GRAMD1C: variants seen among roughly 807,000 people sequenced by gnomAD.
GRAMD1C encodes the protein protein Aster-C.
Under a neutral mutation model 97.8 loss-of-function variants are expected in GRAMD1C, and 89 were observed. That is an observed-to-expected ratio of 0.91 (90% CI 0.77 to 1.09). The LOEUF (loss-of-function observed/expected upper bound fraction) is 1.09, where lower values mean the gene tolerates loss of function less well. GRAMD1C is among the 50% of genes least tolerant of loss of function. GRAMD1C has a pLI of 0.00. For missense variants in GRAMD1C, 740 were observed against 766.4 expected, an observed-to-expected ratio of 0.97 and a Z score of 0.41; for synonymous variants, 256 against 267.0, an observed-to-expected ratio of 0.96 and a Z score of 0.40.
intron 6 of GRAMD1C, among the ~76,000 whole-genome samples, chr3:113,890,419 G>A (rs549351020): frequency 2.6e-5 from 4 of 152,310 alleles, no homozygotes; most frequent in African/African-American, 9.6e-5. Context: ...CTACTACAAG[G>A]GCGTGGAGCA....
chr3:113,835,740 C>T (rs375017366), upstream of GRAMD1C, among the ~76,000 whole-genome samples: 3 of 152,146 alleles, frequency 2.0e-5, no homozygotes, highest in Non-Finnish European at 4.4e-5. Flanking sequence ...GTGTTTCGAA[C>T]GATGTTCACA....
At chr3:113,904,449 G>A (rs187933008) in intron 8 of GRAMD1C, among the ~76,000 whole-genome samples, 177 bp downstream of exon 8, 10 of 152,220 alleles carry the variant, frequency 6.6e-5, no homozygotes, top group African/African-American at 2.2e-4. Context: ...GAAAATATGT[G>A]GTTTTGTTCA....
chr3:113,937,084 AGT>A (rs1381827619), intron 14 of GRAMD1C, among the ~76,000 whole-genome samples: 1 of 152,198 alleles, frequency 6.6e-6, no homozygotes, highest in Non-Finnish European at 1.5e-5. Flanking sequence ...TCTACGTTTG[AGT>A]GTACTGCTCT....
In GRAMD1C at chr3:113,933,204, A is replaced by AT. The variant is rs560961803; in HGVS notation, c.1210-299dup. On this transcript the variant is annotated intron_variant, in intron 11 of 17. Transcript: ENST00000358160. ...CTGGCCTAATTTTTTATTAAAAAAA[A>AT]TTTTTTTTGTAGAGGCTGGGTGTTT... Among the ~76,000 whole-genome samples, 229 of 151,464 alleles carry AT rather than the reference A, an allele frequency of 1.5e-3. 1 individual carries two copies. The highest frequency in any genetic ancestry group is 5.2e-3 in the African/African-American group (213 of 41,172).
chr3:113,872,943 G>A (rs1469872518), intron 3 of GRAMD1C, among the ~76,000 whole-genome samples: 2 of 150,260 alleles, frequency 1.3e-5, no homozygotes, highest in Admixed American at 6.6e-5. Flanking sequence ...AAATTAGCCA[G>A]GCGTGGTGGC....
intron 15 of GRAMD1C, 21 bp downstream of exon 15, chr3:113,938,164 C>T: frequency 8.4e-7 from 1 of 1,196,146 alleles, no homozygotes; most frequent in Non-Finnish European, 1.2e-6. Context: ...GTTGTGAATG[C>T]TTATTTTGCT....
In GRAMD1C at chr3:113,920,693, A is replaced by G. The variant is rs182881107; in HGVS notation, c.1090+4855A>G. Among the ~76,000 whole-genome samples, 1,013 of 152,132 alleles carry G rather than the reference A, an allele frequency of 6.7e-3. 5 individuals are homozygous for G. The highest frequency in any genetic ancestry group is 0.014 in the Middle Eastern group (4 of 294). On this transcript the variant is annotated intron_variant, in intron 10 of 17. Transcript: ENST00000358160. ...GTAGCTAGGATTACAGGTGCCCGCCACCATACCCAGCTAATTTTTTTGTAT... is the reference window on the plus strand; with the variant it reads ...GTAGCTAGGATTACAGGTGCCCGCCGCCATACCCAGCTAATTTTTTTGTAT...
chr3:113,890,390 G>A (rs1423770686), intron 6 of GRAMD1C, among the ~76,000 whole-genome samples: 1 of 152,186 alleles, frequency 6.6e-6, no homozygotes, highest in Non-Finnish European at 1.5e-5. Flanking sequence ...CGGGCAGCAG[G>A]TCCTGCAGTG....
intron 2 of GRAMD1C, among the ~76,000 whole-genome samples, chr3:113,864,617 A>G (rs1577139257): frequency 6.6e-6 from 1 of 152,192 alleles, no homozygotes; most frequent in Non-Finnish European, 1.5e-5. Flanking sequence ...GCTATTTTAT[A>G]TAATGACCTT....
chr3:113,939,915 C>G lies in GRAMD1C; in HGVS notation c.1721C>G (p.Thr574Arg), dbSNP rs1039153975. 11 of 1,605,472 alleles carry G rather than the reference C, an allele frequency of 6.9e-6. No homozygotes were observed. The highest frequency in any genetic ancestry group is 8.5e-6 in the Non-Finnish European group (10 of 1,172,154). ...FVLLLVLLNVTLFLKLSKIEH... is the reference protein window; with the variant it reads ...FVLLLVLLNVRLFLKLSKIEH... ...TTGTTATTAGTTTTGTTGAATGTGACACTGTTTCTGAAGCTGTCAAAGATA... is the reference window on the plus strand; with the variant it reads ...TTGTTATTAGTTTTGTTGAATGTGAGACTGTTTCTGAAGCTGTCAAAGATA... The change falls in exon 16 of 18, where the codon ACA becomes AGA. Residue 574 changes from threonine (T) to arginine (R), a missense_variant. Coordinates refer to ENST00000358160, the MANE Select transcript of GRAMD1C (RefSeq NM_017577.5).
chr3:113,897,063 G>GAATT (rs1559801096), intron 6 of GRAMD1C, among the ~76,000 whole-genome samples: 1 of 152,148 alleles, frequency 6.6e-6, no homozygotes, highest in African/African-American at 2.4e-5. Flanking sequence ...GTGCTTAGTA[G>GAATT]AATTATTCCA....
chr3:113,917,817 C>T (rs536079427), intron 10 of GRAMD1C, among the ~76,000 whole-genome samples: 10 of 148,354 alleles, frequency 6.7e-5, no homozygotes, highest in Admixed American at 4.1e-4. Flanking sequence ...CTCAGCCTCC[C>T]GAGTAGCTGG....
At chr3:113,920,591 G>A (rs1937007848) in intron 10 of GRAMD1C, among the ~76,000 whole-genome samples, 1 of 152,008 alleles carries the variant, frequency 6.6e-6, no homozygotes. Context: ...GCCCAGGCTG[G>A]AGTGCAATGG....
chr3:113,833,755 T>G (rs74657386), intron 1 of GRAMD1C, among the ~76,000 whole-genome samples: 326 of 152,326 alleles, frequency 2.1e-3, no homozygotes, highest in Middle Eastern at 6.8e-3. Context: ...TTTTTCTTAA[T>G]TAAGCATTCC....
chr3:113,889,056 C>T lies in GRAMD1C; in HGVS notation c.540+6224C>T, dbSNP rs147747297. Among the ~76,000 whole-genome samples, 164 of 152,222 alleles carry T rather than the reference C, an allele frequency of 1.1e-3. 1 individual carries two copies. Among genetic ancestry groups the T allele is most frequent in the Non-Finnish European group, 1.5e-3 (102 of 68,020 alleles). ...ATCTATACTAAAAATACAAATTAGC[C>T]GGGCGTGGTGGCACATGCCTGTAAT... On this transcript the variant is annotated intron_variant, in intron 6 of 17. Coordinates refer to ENST00000358160, the MANE Select transcript of GRAMD1C (RefSeq NM_017577.5).
intron 2 of GRAMD1C, chr3:113,850,316 A>T: frequency 1.4e-6 from 1 of 717,020 alleles, no homozygotes; most frequent in Admixed American, 1.8e-5. Flanking sequence ...CCCAGCCTCG[A>T]CTTTCTTGTT....
At chr3:113,919,791 T>C in intron 10 of GRAMD1C, 1 of 617,606 alleles carries the variant, frequency 1.6e-6, no homozygotes, top group Non-Finnish European at 3.0e-6. Context: ...AAGCATGTAA[T>C]TGTTGGAAAA....
At chr3:113,904,620 TTTTC>T (rs1376812257) in intron 8 of GRAMD1C, among the ~76,000 whole-genome samples, 2 of 151,582 alleles carry the variant, frequency 1.3e-5, no homozygotes, top group Non-Finnish European at 2.9e-5. Flanking sequence ...GTTTTTTTTT[TTTTC>T]TTTCTTTCTT....
chr3:113,913,215 A>G (rs1275526105), intron 9 of GRAMD1C: 3 of 574,900 alleles, frequency 5.2e-6, no homozygotes, highest in East Asian at 1.4e-4. Context: ...TGCTTCTTTT[A>G]TAAGAATGGT....
Sources: gnomAD v4.1 joint callset for allele counts (sites outside exome capture counted in the v4.1 genomes callset) on GRCh38, gnomAD v4.1.1 for gene constraint, MANE v1.5 for transcripts, NCBI Gene and HGNC (gene_info 2026-07-23, HGNC 2026-07-21) for gene names.